Variants in LCLAT1 observed in about 807,000 individuals in gnomAD.
LCLAT1 encodes 1-AGP acyltransferase 8.
Under a neutral mutation model 30.7 loss-of-function variants are expected in LCLAT1, and 11 were observed. That is an observed-to-expected ratio of 0.36 (90% CI 0.23 to 0.59). LCLAT1 has a LOEUF of 0.59. Among genes scored for constraint, LCLAT1 ranks in the 20% least tolerant of loss-of-function variants. The pLI, the probability that LCLAT1 is intolerant of heterozygous loss-of-function variation, is 0.77. For synonymous variants in LCLAT1, 155 were observed against 151.3 expected (o/e 1.02, Z -0.18); for missense variants, 402 against 458.6 (o/e 0.88, Z 1.13).
chr2:30,536,762 C>A (rs1031366092), intron 3 of LCLAT1, among the ~76,000 whole-genome samples: 5 of 152,024 alleles, frequency 3.3e-5, no homozygotes, highest in African/African-American at 1.2e-4. Flanking sequence ...GAAAAGTCAC[C>A]AAATTGCATA....
chr2:30,560,314 G>A (rs1665143899), intron 3 of LCLAT1, among the ~76,000 whole-genome samples: 1 of 150,896 alleles, frequency 6.6e-6, no homozygotes, highest in African/African-American at 2.5e-5. Flanking sequence ...GTGTGTGTGT[G>A]TGTGTGTGTG....
intron 5 of LCLAT1, chr2:30,605,937 C>G: frequency 9.6e-7 from 1 of 1,040,918 alleles, no homozygotes; most frequent in Non-Finnish European, 1.2e-6. Context: ...CAACCTAGAT[C>G]CCTCACTTGC....
chr2:30,501,076 C>CTGTGTGTGTGTATGTGTG (rs1460579223), intron 1 of LCLAT1, among the ~76,000 whole-genome samples: 2 of 146,618 alleles, frequency 1.4e-5, no homozygotes, highest in African/African-American at 2.5e-5. Flanking sequence ...TTGTTTTGTT[C>CTGTGTGTGTGTATGTGTG]TGTGTGTGTG....
chr2:30,617,414 A>G (rs1368138890), intron 5 of LCLAT1, among the ~76,000 whole-genome samples: 1 of 152,186 alleles, frequency 6.6e-6, no homozygotes, highest in Non-Finnish European at 1.5e-5. Context: ...AATATGCCAC[A>G]ATTTCTTTAA....
Position 30,527,954 on chromosome 2 carries a change from C to T in LCLAT1, c.165+2199C>T, listed in dbSNP as rs370236774. 5.3e-4 allele frequency among the ~76,000 whole-genome samples: 80 copies of T among 152,292 alleles called. 1 individual carries two copies. Among genetic ancestry groups the T allele is most frequent in the African/African-American group, 1.0e-3 (42 of 41,558 alleles). On this transcript the variant is annotated intron_variant, in intron 2 of 5. Transcript: ENST00000379509. ...CAGGTCCAGGCTGGCAAGGTCCCTA[C>T]GGTCCCTGATGTCATCAAAGGGTTC...
At chr2:30,529,231 G>A (rs984345781) in intron 2 of LCLAT1, among the ~76,000 whole-genome samples, 6 of 152,088 alleles carry the variant, frequency 3.9e-5, no homozygotes. Context: ...TTTCTCTTGT[G>A]GATTAAAATG....
At chr2:30,580,100 A>G (rs1169938869) in intron 5 of LCLAT1, among the ~76,000 whole-genome samples, 1 of 152,166 alleles carries the variant, frequency 6.6e-6, no homozygotes, top group Non-Finnish European at 1.5e-5. Context: ...GTAGGAAAAG[A>G]CTGTGATTCA....
intron 5 of LCLAT1, among the ~76,000 whole-genome samples, chr2:30,615,181 C>G (rs527475365): frequency 6.6e-6 from 1 of 152,070 alleles, no homozygotes; most frequent in Middle Eastern, 3.4e-3. Context: ...GATAGAATGA[C>G]TGATTAAAGG....
intron 5 of LCLAT1, among the ~76,000 whole-genome samples, chr2:30,586,256 A>AAG (rs1666433348): frequency 6.6e-6 from 1 of 151,708 alleles, no homozygotes; most frequent in African/African-American, 2.4e-5. Flanking sequence ...AAAAAAAAAA[A>AAG]AAAAAACCCA....
intron 1 of LCLAT1, among the ~76,000 whole-genome samples, chr2:30,488,610 T>G (rs761663912): frequency 2.6e-5 from 4 of 152,238 alleles, no homozygotes; most frequent in Non-Finnish European, 5.9e-5. Flanking sequence ...TCTTAGATAT[T>G]CTCTTTCGTT....
intron 5 of LCLAT1, among the ~76,000 whole-genome samples, chr2:30,595,631 A>G (rs974569499): frequency 2.6e-5 from 4 of 152,112 alleles, no homozygotes; most frequent in Non-Finnish European, 2.9e-5. Context: ...AAGTTTCTTT[A>G]TATCAAGGTA....
Position 30,644,069 on chromosome 2 carries a change from T to C in LCLAT1, c.*3450T>C, listed in dbSNP as rs947079376. 16 of 152,226 alleles carry C rather than the reference T, an allele frequency of 1.1e-4. No individual in the cohort carries two copies. Among genetic ancestry groups the C allele is most frequent in the Non-Finnish European group, 5.9e-5 (4 of 68,042 alleles). The allele number at this position is 152,226 out of a possible 1,614,324, so 9.4% of individuals were successfully genotyped here. A position where few individuals can be genotyped will look rare whatever the true frequency, so the allele number is the denominator to read the frequency against. On this transcript the variant is annotated 3_prime_UTR_variant, in exon 6 of 6. Coordinates refer to ENST00000379509, the MANE Select transcript of LCLAT1 (RefSeq NM_001002257.3). ...TCATTTTAGAAGAGAATCTTGGTTT[T>C]GGTAATTCATTTTTTTTTAAGATCA...
rs771527933 is a variant in LCLAT1 at position 30,568,160 on chromosome 2, A to G, written c.612A>G (p.Val204=). The G allele has an allele frequency of 6.3e-7, 1 of 1,582,868 alleles. No homozygotes were observed. Among genetic ancestry groups the G allele is most frequent in the South Asian group, 1.1e-5 (1 of 87,432 alleles). ...GAACTACAGGCTTTACTTTTGTGGT[A>G]GACCGTCTAAGAGAAGGTAAGCACC... The part of the protein sequence containing the change: ...HPRTTGFTFV[V]DRLREGKNLD... Residue 204 remains valine, a synonymous_variant, in exon 5 of 6, where the codon GTA becomes GTG. Transcript: ENST00000379509.
At chr2:30,603,874 G>A (rs867725962) in intron 5 of LCLAT1, among the ~76,000 whole-genome samples, 1 of 152,132 alleles carries the variant, frequency 6.6e-6, no homozygotes, top group South Asian at 2.1e-4. Flanking sequence ...CTAGCAGAGA[G>A]TATGGGGATA....
chr2:30,452,224 T>G (rs1400741712), intron 1 of LCLAT1, among the ~76,000 whole-genome samples: 1 of 152,150 alleles, frequency 6.6e-6, no homozygotes, highest in Non-Finnish European at 1.5e-5. Context: ...TGTATATATA[T>G]ACTTTAATAA....
chr2:30,461,422 G>C (rs1003878820), intron 1 of LCLAT1, among the ~76,000 whole-genome samples: 1 of 151,942 alleles, frequency 6.6e-6, no homozygotes, highest in African/African-American at 2.4e-5. Context: ...TGTTGTTGTT[G>C]GTGTTTTGTT....
chr2:30,497,756 A>G (rs1684187897), intron 1 of LCLAT1, among the ~76,000 whole-genome samples: 1 of 152,102 alleles, frequency 6.6e-6, no homozygotes, highest in Non-Finnish European at 1.5e-5. Flanking sequence ...TTATTTTTTA[A>G]TGCATTGTCA....
chr2:30,588,114 C>T (rs983355487), intron 5 of LCLAT1, among the ~76,000 whole-genome samples: 47 of 152,220 alleles, frequency 3.1e-4, no homozygotes, highest in African/African-American at 1.1e-3. Context: ...ATCAGGTCAC[C>T]TCATAGCTGG....
intron 1 of LCLAT1, among the ~76,000 whole-genome samples, chr2:30,462,664 G>T (rs1351145692): frequency 2.0e-5 from 3 of 152,204 alleles, no homozygotes; most frequent in African/African-American, 7.2e-5. Context: ...CTAAAGCTTT[G>T]TCCTTTGAAG....
Sources: gnomAD v4.1 joint callset for allele counts (sites outside exome capture counted in the v4.1 genomes callset) on GRCh38, gnomAD v4.1.1 for gene constraint, MANE v1.5 for transcripts, NCBI Gene and HGNC (gene_info 2026-07-23, HGNC 2026-07-21) for gene names.